Variants in SH3RF3 observed in about 807,000 individuals in gnomAD.
SH3RF3 encodes SH3 domain containing ring finger 3.
A neutral mutation model predicts 66.3 loss-of-function variants in SH3RF3; 29 were observed. The observed-to-expected ratio is 0.44, with a 90% CI of 0.33 to 0.60. The LOEUF (loss-of-function observed/expected upper bound fraction) is 0.60, where lower values mean the gene tolerates loss of function less well. Among genes scored for constraint, SH3RF3 ranks in the 20% least tolerant of loss-of-function variants. The probability of loss-of-function intolerance (pLI) is 0.04; values close to 1 mark genes in which losing one functional copy is unlikely to be tolerated. For synonymous variants in SH3RF3, 583 were observed against 532.0 expected, an observed-to-expected ratio of 1.10 and a Z score of -1.32; for missense variants, 1,194 against 1,190.9, an observed-to-expected ratio of 1.00 and a Z score of -0.04.
At chr2:109,267,362 G>A (rs1340869725) in intron 1 of SH3RF3, among the ~76,000 whole-genome samples, 2 of 152,174 alleles carry the variant, frequency 1.3e-5, no homozygotes, top group African/African-American at 4.8e-5. Context: ...GACCCCAAAG[G>A]TGATCACTGT....
intron 7 of SH3RF3, among the ~76,000 whole-genome samples, chr2:109,445,741 G>A (rs13411554): frequency 0.016 from 2,459 of 152,138 alleles, 65 homozygotes; most frequent in African/African-American, 0.056. Flanking sequence ...AGGGAGGGGT[G>A]TGGGGAAGTA....
chr2:109,207,312 C>T (rs1678863979), intron 1 of SH3RF3, among the ~76,000 whole-genome samples: 1 of 152,012 alleles, frequency 6.6e-6, no homozygotes, highest in Admixed American at 6.6e-5. Flanking sequence ...AAGAATTTGT[C>T]TCTAATTTAT....
chr2:109,272,124 C>T (rs571786364), intron 1 of SH3RF3, among the ~76,000 whole-genome samples: 71 of 152,306 alleles, frequency 4.7e-4, no homozygotes, highest in African/African-American at 1.6e-3. Flanking sequence ...GGCCAGCTGT[C>T]GGAGCTGGAC....
chr2:109,253,445 G>A (rs1214018635), intron 1 of SH3RF3, among the ~76,000 whole-genome samples: 1 of 152,172 alleles, frequency 6.6e-6, no homozygotes, highest in Non-Finnish European at 1.5e-5. Context: ...CTGCTTTCCG[G>A]GTGGGCTGGT....
At chr2:109,241,591 G>A (rs1436768004) in intron 1 of SH3RF3, among the ~76,000 whole-genome samples, 1 of 152,052 alleles carries the variant, frequency 6.6e-6, no homozygotes, top group African/African-American at 2.4e-5. Flanking sequence ...AGGCATTGAG[G>A]TTTGGCTTGG....
chr2:109,503,160 G>C lies in SH3RF3; in HGVS notation c.*1489G>C, dbSNP rs969263675. 6.6e-6 allele frequency: 1 copy of C among 152,164 alleles called. No individual in the cohort carries two copies. The highest frequency in any genetic ancestry group is 2.4e-5 in the African/African-American group (1 of 41,420). The allele number at this position is 152,164 out of a possible 1,614,324, so 9.4% of individuals were successfully genotyped here. On this transcript the variant is annotated 3_prime_UTR_variant, in exon 10 of 10. Coordinates refer to ENST00000309415, the MANE Select transcript of SH3RF3 (RefSeq NM_001099289.3). ...TTTTGTTCTCAAGATTCACACCTTA[G>C]GAACACATTTTTATCACCTCAAAAT...
At chr2:109,375,491 G>A (rs1054293078) in intron 3 of SH3RF3, among the ~76,000 whole-genome samples, 23 of 152,218 alleles carry the variant, frequency 1.5e-4, no homozygotes, top group African/African-American at 5.3e-4. Flanking sequence ...CTAGTCTAGC[G>A]GATGGGACAA....
intron 4 of SH3RF3, among the ~76,000 whole-genome samples, chr2:109,403,388 C>T (rs745981876): frequency 1.3e-5 from 2 of 152,206 alleles, no homozygotes; most frequent in Non-Finnish European, 2.9e-5. Flanking sequence ...CCACAGTGAG[C>T]CAATTGTTCA....
intron 1 of SH3RF3, chr2:109,251,731 A>G: frequency 1.5e-6 from 1 of 681,844 alleles, no homozygotes; most frequent in Non-Finnish European, 2.6e-6. Flanking sequence ...GGTCGTGTAC[A>G]TTTTCATATT....
chr2:109,350,792 T>C (rs900332691), intron 2 of SH3RF3, among the ~76,000 whole-genome samples: 7 of 152,238 alleles, frequency 4.6e-5, no homozygotes, highest in African/African-American at 1.4e-4. Context: ...GCAGCGTAGG[T>C]GCTGGTTCAT....
chr2:109,367,978 A>C (rs539570734), intron 2 of SH3RF3, among the ~76,000 whole-genome samples: 2 of 152,324 alleles, frequency 1.3e-5, no homozygotes, highest in African/African-American at 4.8e-5. Context: ...TATGTTTCTC[A>C]TTGCTAATTT....
Position 109,503,017 on chromosome 2 carries a change from G to C in SH3RF3, c.*1346G>C, listed in dbSNP as rs1679437014. ...CAAGATCGGGGAGTTGGGAGGGCGA[G>C]AGAGGAGGAGGTGCAGCTTTGATGC... On this transcript the variant is annotated 3_prime_UTR_variant, in exon 10 of 10. Transcript: ENST00000309415. The C allele has an allele frequency of 6.6e-6, 1 of 152,214 alleles. No homozygotes were observed. Among genetic ancestry groups the C allele is most frequent in the Non-Finnish European group, 1.5e-5 (1 of 68,062 alleles). The allele number at this position is 152,214 out of a possible 1,614,324, so 9.4% of individuals were successfully genotyped here. A position where few individuals can be genotyped will look rare whatever the true frequency, so the allele number is the denominator to read the frequency against.
chr2:109,150,672 G>T (rs2104868833), intron 1 of SH3RF3, among the ~76,000 whole-genome samples: 1 of 152,036 alleles, frequency 6.6e-6, no homozygotes, highest in East Asian at 1.9e-4. Flanking sequence ...TCTGGTTCCA[G>T]TCTGGCTCTA....
At chr2:109,435,152 G>A (rs1318829588) in intron 6 of SH3RF3, among the ~76,000 whole-genome samples, 1 of 152,106 alleles carries the variant, frequency 6.6e-6, no homozygotes, top group Non-Finnish European at 1.5e-5. Flanking sequence ...TGTCCTCTCC[G>A]GTTCCTTAGA....
intron 3 of SH3RF3, among the ~76,000 whole-genome samples, chr2:109,373,507 G>A (rs1683318883): frequency 6.6e-6 from 1 of 152,200 alleles, no homozygotes; most frequent in Non-Finnish European, 1.5e-5. Context: ...GGCTTTAAGG[G>A]CATAGGCAAA....
intron 1 of SH3RF3, among the ~76,000 whole-genome samples, chr2:109,267,771 C>T (rs1680532073): frequency 6.6e-6 from 1 of 152,260 alleles, no homozygotes; most frequent in Non-Finnish European, 1.5e-5. Flanking sequence ...AGTTCTGCGT[C>T]TGTCCCTGGA....
At chr2:109,447,928 C>T (rs901437727) in intron 7 of SH3RF3, among the ~76,000 whole-genome samples, 3 of 152,154 alleles carry the variant, frequency 2.0e-5, no homozygotes, top group African/African-American at 2.4e-5. Flanking sequence ...CCCGGTGCTT[C>T]GACATGCAGG....
intron 1 of SH3RF3, among the ~76,000 whole-genome samples, chr2:109,324,605 T>C (rs144266229): frequency 6.6e-6 from 1 of 152,366 alleles, no homozygotes; most frequent in East Asian, 1.9e-4. Context: ...ATTTGCAAAG[T>C]GCTAATAAGC....
rs571411705 is a variant in SH3RF3 at position 109,352,323 on chromosome 2, A to G, written c.849+4374A>G. On this transcript the variant is annotated intron_variant, in intron 2 of 9. Coordinates refer to ENST00000309415, the MANE Select transcript of SH3RF3 (RefSeq NM_001099289.3). Reference sequence around the variant, plus strand: ...AGCCTCCCTCCTAAAGACAGACTGCATGGAGAATGAGAACTTGCAGGACTG... The same window carrying G: ...AGCCTCCCTCCTAAAGACAGACTGCGTGGAGAATGAGAACTTGCAGGACTG... Among the ~76,000 whole-genome samples, 28 of 152,316 alleles carry G rather than the reference A, an allele frequency of 1.8e-4. 1 individual carries two copies. The South Asian group carries it at 5.2e-3, about 28-fold the overall frequency.
Sources: gnomAD v4.1 joint callset for allele counts (sites outside exome capture counted in the v4.1 genomes callset) on GRCh38, gnomAD v4.1.1 for gene constraint, MANE v1.5 for transcripts, NCBI Gene and HGNC (gene_info 2026-07-23, HGNC 2026-07-21) for gene names.